Variants in MARCHF2 observed in about 807,000 individuals in gnomAD.
The protein encoded by MARCHF2 is membrane associated ring-CH-type finger 2, also known as E3 ubiquitin-protein ligase MARCHF2.
Under a neutral mutation model 24.0 loss-of-function variants are expected in MARCHF2, and 22 were observed. The ratio of observed to expected loss-of-function variants is 0.92; its 90% confidence interval spans 0.66 to 1.31. MARCHF2 has a LOEUF of 1.31. Among genes scored for constraint, MARCHF2 ranks in the 50% most tolerant of loss-of-function variants. The pLI is 0.00. For synonymous variants in MARCHF2, 154 were observed against 153.0 expected, an observed-to-expected ratio of 1.01 and a Z score of -0.05; for missense variants, 301 against 335.3, an observed-to-expected ratio of 0.90 and a Z score of 0.80.
chr19:8,425,752 G>A (rs1161460752), intron 2 of MARCHF2, among the ~76,000 whole-genome samples: 1 of 151,824 alleles, frequency 6.6e-6, no homozygotes, highest in African/African-American at 2.4e-5. Context: ...CAGTAGCTGG[G>A]ATTACAGGCA....
chr19:8,426,599 CTG>C lies in MARCHF2; in HGVS notation c.177-6_177-5del. 6.2e-7 allele frequency: 1 copy of C among 1,612,488 alleles called. No homozygotes were observed. The highest frequency in any genetic ancestry group is 2.2e-5 in the East Asian group (1 of 44,842). On this transcript the variant is annotated splice_region_variant and splice_polypyrimidine_tract_variant and intron_variant, in intron 2 of 4. Coordinates refer to ENST00000215555, the MANE Select transcript of MARCHF2 (RefSeq NM_001005415.2). ...CAATCATTGCTCATGGGTCCTATCTCTGTGTCCAGTGATGGTCCTTTCTGCCG... is the reference window on the plus strand; with the variant it reads ...CAATCATTGCTCATGGGTCCTATCTCTGTCCAGTGATGGTCCTTTCTGCCG...
intron 2 of MARCHF2, among the ~76,000 whole-genome samples, 181 bp downstream of exon 2, chr19:8,422,197 G>T (rs1334770974): frequency 6.6e-6 from 1 of 152,168 alleles, no homozygotes; most frequent in African/African-American, 2.4e-5. Context: ...GGCCGGGTCT[G>T]ATTCTTTAGG....
At chr19:8,426,061 A>G (rs1177257463) in intron 2 of MARCHF2, among the ~76,000 whole-genome samples, 1 of 151,598 alleles carries the variant, frequency 6.6e-6, no homozygotes, top group African/African-American at 2.4e-5. Flanking sequence ...CCCCGTCTCT[A>G]CTAAAAATAC....
chr19:8,415,655 A>G (rs1347538648), intron 1 of MARCHF2, among the ~76,000 whole-genome samples: 2 of 135,316 alleles, frequency 1.5e-5, no homozygotes, highest in Non-Finnish European at 3.1e-5. Flanking sequence ...TGGGAGGCGG[A>G]GGTTGCAGAG....
Position 8,435,828 on chromosome 19 carries a change from C to CTGTGTGTGTGTG in MARCHF2, c.583-2533_583-2522dup, listed in dbSNP as rs35027764. Reference sequence around the variant, plus strand: ...ATAGGTGTGAGCCACTGCACCTGGCCTGTGTGTGTGTGTGTGTGTGTGTGT... The same window carrying CTGTGTGTGTGTG: ...ATAGGTGTGAGCCACTGCACCTGGCCTGTGTGTGTGTGTGTGTGTGTGTGTGTGTGTGTGTGT... On this transcript the variant is annotated intron_variant, in intron 4 of 4. Coordinates refer to ENST00000215555, the MANE Select transcript of MARCHF2 (RefSeq NM_001005415.2). Among the ~76,000 whole-genome samples, 28 of 141,156 alleles carry CTGTGTGTGTGTG rather than the reference C, an allele frequency of 2.0e-4. No homozygotes were observed. In the East Asian group the frequency reaches 2.0e-3, roughly 10 times the overall value. The allele number at this position is 141,156 out of a possible 152,430, so 92.6% of individuals were successfully genotyped here.
At position 8,421,536 on chromosome 19, in the gene MARCHF2, T is replaced by C. The variant is rs147981507; in HGVS notation, c.-52-253T>C. On this transcript the variant is annotated intron_variant, in intron 1 of 4. Coordinates refer to ENST00000215555, the MANE Select transcript of MARCHF2 (RefSeq NM_001005415.2). The stretch of plus-strand genomic sequence containing the variant: ...GCCACCGCGCCTGGCCAGGGAAGCA[T>C]AGCTTTTCTTAGGAGAGTGAGAAAT... Among the ~76,000 whole-genome samples, 193 of 152,136 alleles carry C rather than the reference T, an allele frequency of 1.3e-3. 2 individuals are homozygous for C. The highest frequency in any genetic ancestry group is 4.5e-3 in the African/African-American group (186 of 41,538).
chr19:8,431,029 A>G, intron 4 of MARCHF2, 162 bp downstream of exon 4: 1 of 677,286 alleles, frequency 1.5e-6, no homozygotes, highest in Non-Finnish European at 2.5e-6. Flanking sequence ...CCTCTCCAGG[A>G]GCTTGAGATT....
chr19:8,438,360 C>T, intron 4 of MARCHF2, 28 bp from the exon 5 acceptor site: 2 of 1,611,436 alleles, frequency 1.2e-6, no homozygotes, highest in Non-Finnish European at 8.5e-7. Context: ...GGGTGGAGGC[C>T]TCCGCTCACT....
At chr19:8,433,250 GA>G (rs202043558) in intron 4 of MARCHF2, among the ~76,000 whole-genome samples, 11 of 135,756 alleles carry the variant, frequency 8.1e-5, no homozygotes, top group African/African-American at 2.2e-4. Context: ...AAAGAAAAAG[GA>G]AAAAAAAAAG....
intron 2 of MARCHF2, among the ~76,000 whole-genome samples, chr19:8,422,484 C>G (rs370847365): frequency 4.3e-4 from 66 of 152,028 alleles, no homozygotes; most frequent in African/African-American, 1.5e-3. Context: ...CCTCCGCCTC[C>G]CAGGTTCAAG....
intron 1 of MARCHF2, among the ~76,000 whole-genome samples, chr19:8,420,579 G>GGAAAGGTGATATTAGTT (rs1967210375): frequency 6.6e-6 from 1 of 151,512 alleles, no homozygotes; most frequent in Admixed American, 6.6e-5. Flanking sequence ...TACCTTATCT[G>GGAAAGGTGATATTAGTT]GAAAGGTGAT....
chr19:8,424,401 C>T (rs1366859540), intron 2 of MARCHF2, among the ~76,000 whole-genome samples: 1 of 152,172 alleles, frequency 6.6e-6, no homozygotes, highest in East Asian at 1.9e-4. Context: ...TGCGCAGTGG[C>T]TCACGCCTGT....
At chr19:8,425,091 T>G (rs986591622) in intron 2 of MARCHF2, among the ~76,000 whole-genome samples, 1 of 151,764 alleles carries the variant, frequency 6.6e-6, no homozygotes, top group African/African-American at 2.4e-5. Context: ...AAAAAAATTT[T>G]GGGACCGGGC....
At position 8,421,791 on chromosome 19, in the gene MARCHF2, T is replaced by C; in HGVS notation, c.-50T>C. 5.2e-6 allele frequency: 8 copies of C among 1,536,690 alleles called. No individual in the cohort carries two copies. The highest frequency in any genetic ancestry group is 7.0e-6 in the Non-Finnish European group (8 of 1,138,146). The stretch of plus-strand genomic sequence containing the variant: ...CCTCCGCACTGGCCTGTTCCCAGGC[T>C]CCTGGAACCATGGGCCTCAGGCCCT... On this transcript the variant is annotated splice_region_variant and 5_prime_UTR_variant, in exon 2 of 5. Coordinates refer to ENST00000215555, the MANE Select transcript of MARCHF2 (RefSeq NM_001005415.2).
chr19:8,433,172 T>C (rs2145568511), intron 4 of MARCHF2, among the ~76,000 whole-genome samples: 1 of 151,870 alleles, frequency 6.6e-6, no homozygotes, highest in African/African-American at 2.4e-5. Flanking sequence ...GAGCCGAGAT[T>C]GCACCACTGA....
chr19:8,422,024 G>A lies in MARCHF2; in HGVS notation c.176+8G>A. 1 of 1,602,320 alleles carries A rather than the reference G, an allele frequency of 6.2e-7. No individual in the cohort carries two copies. On this transcript the variant is annotated splice_region_variant and intron_variant, in intron 2 of 4. Transcript: ENST00000215555. Reference sequence around the variant, plus strand: ...TGCCTTGGACACACCGAGGTGAGTGGTGACTGCGTGGATATCCTGGCCTTT... The same window carrying A: ...TGCCTTGGACACACCGAGGTGAGTGATGACTGCGTGGATATCCTGGCCTTT...
intron 2 of MARCHF2, among the ~76,000 whole-genome samples, chr19:8,425,416 A>T (rs986186094): frequency 7.4e-5 from 11 of 148,970 alleles, no homozygotes; most frequent in Admixed American, 1.3e-4. Flanking sequence ...AAAAAAGAAA[A>T]TTTTTTTTTT....
At chr19:8,433,089 C>T (rs1009100424) in intron 4 of MARCHF2, among the ~76,000 whole-genome samples, 2 of 151,792 alleles carry the variant, frequency 1.3e-5, no homozygotes, top group African/African-American at 2.4e-5. Flanking sequence ...CGTGGTGGTG[C>T]GTGCCTGCAG....
chr19:8,437,562 A>G (rs894294015), intron 4 of MARCHF2, among the ~76,000 whole-genome samples: 28 of 150,452 alleles, frequency 1.9e-4, no homozygotes, highest in Non-Finnish European at 4.1e-4. Context: ...CGTGTTAGCC[A>G]GGATGGTCTC....
Sources: gnomAD v4.1 joint callset for allele counts (sites outside exome capture counted in the v4.1 genomes callset) on GRCh38, gnomAD v4.1.1 for gene constraint, MANE v1.5 for transcripts, NCBI Gene and HGNC (gene_info 2026-07-23, HGNC 2026-07-21) for gene names.